CUL1: variants seen among roughly 807,000 people sequenced by gnomAD.
CUL1 encodes cullin 1.
A neutral mutation model predicts 118.0 loss-of-function variants in CUL1; 24 were observed. The ratio of observed to expected loss-of-function variants is 0.20; its 90% CI spans 0.15 to 0.29. The LOEUF is 0.29. CUL1 is among the 10% of genes least tolerant of loss of function. The probability of loss-of-function intolerance (pLI) is 1.00; values close to 1 mark genes in which losing one functional copy is unlikely to be tolerated. For missense variants in CUL1, 361 were observed against 933.8 expected (o/e 0.39, Z 7.99); for synonymous variants, 332 against 340.4 (o/e 0.98, Z 0.27).
At chr7:148,699,196 C>T (rs1797625393) in intron 1 of CUL1, among the ~76,000 whole-genome samples, 167 bp downstream of exon 1, 1 of 151,886 alleles carries the variant, frequency 6.6e-6, no homozygotes, top group Non-Finnish European at 1.5e-5. Flanking sequence ...GGCGGCCGGG[C>T]CGGGGGACTC....
chr7:148,800,715 C>T lies in CUL1; in HGVS notation c.*133C>T. On this transcript the variant is annotated 3_prime_UTR_variant, in exon 22 of 22. Coordinates refer to ENST00000325222, the MANE Select transcript of CUL1 (RefSeq NM_003592.3). This position sits in a 1 kb window ranked among gnomAD's most constrained non-coding sequence, Gnocchi z 4.6. ...TTTTAAAAACTGAGACCAAGACTCC[C>T]ATCAGCTGGTCTCGGATTTACATCG... 1 of 659,772 alleles carries T rather than the reference C, an allele frequency of 1.5e-6. No individual in the cohort carries two copies. The highest frequency in any genetic ancestry group is 1.9e-5 in the South Asian group (1 of 53,734). 40.9% of individuals were successfully genotyped at this position (659,772 alleles called of 1,614,324 possible). A position where few individuals can be genotyped will look rare whatever the true frequency, so the allele number is the denominator to read the frequency against.
chr7:148,791,582 G>A (rs928102274), intron 16 of CUL1, among the ~76,000 whole-genome samples: 6 of 152,354 alleles, frequency 3.9e-5, no homozygotes, highest in Non-Finnish European at 7.3e-5. Context: ...TGTGTCTGCC[G>A]TGTTAAGGCA....
In CUL1 at chr7:148,735,137, C is replaced by G. The variant is rs117985282; in HGVS notation, c.140+4875C>G. ...ATTTGAGAATGAGAATGAGATTGGT[C>G]TTGGTTGCTCTCAGTAAGTCATAAC... is the stretch of plus-strand genomic sequence containing the variant. On this transcript the variant is annotated intron_variant, in intron 2 of 21. Transcript: ENST00000325222. Among the ~76,000 whole-genome samples, 3 of 152,330 alleles carry G rather than the reference C, an allele frequency of 2.0e-5. No homozygotes were observed. In the East Asian group the frequency reaches 5.8e-4, roughly 29 times the overall value.
At position 148,790,449 on chromosome 7, in the gene CUL1, C is replaced by G; in HGVS notation, c.1806+8C>G. 1.9e-6 allele frequency: 3 copies of G among 1,608,180 alleles called. No individual in the cohort carries two copies. Among genetic ancestry groups the G allele is most frequent in the African/African-American group, 1.3e-5 (1 of 74,746 alleles). On this transcript the variant is annotated splice_region_variant and intron_variant, in intron 16 of 21. Coordinates refer to ENST00000325222, the MANE Select transcript of CUL1 (RefSeq NM_003592.3). ...AACAGATATACTTTGCAGGTAAGAT[C>G]ACATTTTTATCTTAAAATTTTTCTA...
intron 9 of CUL1, among the ~76,000 whole-genome samples, chr7:148,777,408 T>G (rs916343843): frequency 1.1e-4 from 16 of 152,294 alleles, no homozygotes; most frequent in Admixed American, 7.8e-4. Context: ...CCCAGCACTT[T>G]GGGAGGTTGA....
At chr7:148,734,579 T>C (rs1268459349) in intron 2 of CUL1, among the ~76,000 whole-genome samples, 1 of 152,210 alleles carries the variant, frequency 6.6e-6, no homozygotes, top group Non-Finnish European at 1.5e-5. Flanking sequence ...TAGAGTAAAA[T>C]TCTATGCAGG....
At position 148,788,688 on chromosome 7, in the gene CUL1, T is replaced by C; in HGVS notation, c.1597+14T>C. The C allele has an allele frequency of 6.6e-7, 1 of 1,522,160 alleles. No homozygotes were observed. Among genetic ancestry groups the C allele is most frequent in the Non-Finnish European group, 9.1e-7 (1 of 1,098,586 alleles). The allele number at this position is 1,522,160 out of a possible 1,614,324, so 94.3% of individuals were successfully genotyped here. ...AACCCCTAGACTGTGAGTATCCGTG[T>C]GTCTCTATGTTGTGTTTACAGGCAG... On this transcript the variant is annotated intron_variant, in intron 14 of 21. Transcript: ENST00000325222.
rs1245754564 is a variant in CUL1, at chr7:148,783,842, A to T, written c.1143A>T (p.Val381=). ...TTCATAAAAAATACAATGCCCTGGT[A>T]ATGTCTGCATTCAACAATGACGCTG... ...LDVHKKYNAL[V]MSAFNNDAGF... Residue 381 remains valine (V), a synonymous_variant, in exon 10 of 22, where the codon GTA becomes GTT. Coordinates refer to ENST00000325222, the MANE Select transcript of CUL1 (RefSeq NM_003592.3). The T allele has an allele frequency of 3.1e-6, 5 of 1,614,088 alleles. No individual in the cohort carries two copies. The highest frequency in any genetic ancestry group is 4.2e-6 in the Non-Finnish European group (5 of 1,180,040).
intron 7 of CUL1, among the ~76,000 whole-genome samples, chr7:148,764,519 C>T (rs1799942228): frequency 6.6e-6 from 1 of 152,212 alleles, no homozygotes; most frequent in South Asian, 2.1e-4. Flanking sequence ...AGAGCCGTGC[C>T]TCTCAGAGGA....
At chr7:148,780,234 A>G (rs1800577089) in intron 9 of CUL1, among the ~76,000 whole-genome samples, 5 of 152,328 alleles carry the variant, frequency 3.3e-5, no homozygotes, top group African/African-American at 9.6e-5. Flanking sequence ...GGCCCACTGG[A>G]GACTGGGCTG....
At chr7:148,701,448 G>T (rs57767446) in intron 1 of CUL1, among the ~76,000 whole-genome samples, 5,486 of 152,200 alleles carry the variant, frequency 0.036, 335 homozygotes, top group African/African-American at 0.13. Flanking sequence ...AAAACAGGTT[G>T]TGAAACTTTA....
intron 2 of CUL1, among the ~76,000 whole-genome samples, chr7:148,731,999 C>T (rs894890754): frequency 1.3e-5 from 2 of 152,166 alleles, no homozygotes; most frequent in Non-Finnish European, 2.9e-5. Flanking sequence ...TTTTGAGTGG[C>T]TCTGTGACTT....
rs188113732 is a variant in CUL1, at chr7:148,743,877, G to A, written c.141-10099G>A. 2.3e-3 allele frequency among the ~76,000 whole-genome samples: 352 copies of A among 152,244 alleles called. 1 individual carries two copies. The highest frequency in any genetic ancestry group is 8.0e-3 in the African/African-American group (333 of 41,536). ...GTGGAGGTTTCAGTGAGCCGAGATGGCACCACTGCACTCCAGCCTAGGTGA... is the reference window on the plus strand; with the variant it reads ...GTGGAGGTTTCAGTGAGCCGAGATGACACCACTGCACTCCAGCCTAGGTGA... On this transcript the variant is annotated intron_variant, in intron 2 of 21. Transcript: ENST00000325222.
intron 1 of CUL1, among the ~76,000 whole-genome samples, chr7:148,725,272 C>T (rs1798541449): frequency 6.7e-6 from 1 of 150,298 alleles, no homozygotes; most frequent in African/African-American, 2.4e-5. Flanking sequence ...AACTGGAAAA[C>T]TTCATTGCCT....
chr7:148,714,928 C>T (rs1798166264), intron 1 of CUL1, among the ~76,000 whole-genome samples: 1 of 152,140 alleles, frequency 6.6e-6, no homozygotes, highest in South Asian at 2.1e-4. Flanking sequence ...CCCTGTCCCT[C>T]AGGATGGAAT....
chr7:148,699,816 C>T (rs911416071), intron 1 of CUL1, among the ~76,000 whole-genome samples: 9 of 152,110 alleles, frequency 5.9e-5, no homozygotes, highest in Middle Eastern at 3.4e-3. Context: ...TCGGCGCGCC[C>T]CCGGTCCCAA....
intron 2 of CUL1, among the ~76,000 whole-genome samples, chr7:148,744,059 T>C (rs368067931): frequency 6.6e-6 from 1 of 152,258 alleles, no homozygotes; most frequent in Non-Finnish European, 1.5e-5. Flanking sequence ...CTGATAGTTA[T>C]TAGCTTCTTT....
At chr7:148,778,126 C>T (rs535649970) in intron 9 of CUL1, among the ~76,000 whole-genome samples, 6 of 125,826 alleles carry the variant, frequency 4.8e-5, no homozygotes, top group Non-Finnish European at 8.3e-5. Context: ...GGAAAGAGAG[C>T]ACTTACTGAA....
At chr7:148,761,728 A>C (rs1799837113) in intron 7 of CUL1, among the ~76,000 whole-genome samples, 1 of 152,174 alleles carries the variant, frequency 6.6e-6, no homozygotes, top group African/African-American at 2.4e-5. Flanking sequence ...GTTCCAATAA[A>C]ACTTTATTTA....
Sources: allele counts gnomAD v4.1 joint callset (sites outside exome capture counted in the v4.1 genomes callset), GRCh38; gene constraint gnomAD v4.1.1; non-coding constraint Gnocchi (gnomAD v3.1); transcripts MANE v1.5; gene names NCBI Gene and HGNC (gene_info 2026-07-23, HGNC 2026-07-21).